The following ROBO2 variants were observed in gnomAD, a reference collection of about 807,000 sequenced individuals.
The protein encoded by ROBO2 is roundabout homolog 2.
A neutral mutation model predicts 160.8 loss-of-function variants in ROBO2; 53 were observed. The observed-to-expected ratio is 0.33, with a 90% CI of 0.26 to 0.41. The LOEUF (loss-of-function observed/expected upper bound fraction) is 0.41. Among genes scored for constraint, ROBO2 ranks in the 10% least tolerant of loss-of-function variants. The pLI is 1.00. For missense variants in ROBO2, 1,577 were observed against 1,722.4 expected, an observed-to-expected ratio of 0.92 and a Z score of 1.49; for synonymous variants, 664 against 611.7, an observed-to-expected ratio of 1.09 and a Z score of -1.26.
At chr3:76,964,387 A>T (rs1201234779) in intron 2 of ROBO2, among the ~76,000 whole-genome samples, 3 of 151,840 alleles carry the variant, frequency 2.0e-5, no homozygotes, top group Non-Finnish European at 4.4e-5. Flanking sequence ...TTGTTGCCCA[A>T]ACTAGAGCGC....
chr3:76,123,930 A>G (rs2070857966), intron 2 of ROBO2, among the ~76,000 whole-genome samples: 1 of 152,024 alleles, frequency 6.6e-6, no homozygotes, highest in South Asian at 2.1e-4. Context: ...ATGACTTCCT[A>G]GAAATCCTTG....
chr3:77,561,801 CTTAAAAATATTTCTTTT>C (rs2153661406), intron 9 of ROBO2, among the ~76,000 whole-genome samples: 1 of 151,980 alleles, frequency 6.6e-6, no homozygotes, highest in Non-Finnish European at 1.5e-5. Context: ...AGAAGTTTAC[CTTAAAAATATTTCTTTT>C]TCTGGCTGGG....
intron 2 of ROBO2, among the ~76,000 whole-genome samples, chr3:76,402,184 G>A (rs1000079117): frequency 1.3e-5 from 2 of 151,370 alleles, no homozygotes; most frequent in East Asian, 3.9e-4. Flanking sequence ...TTTTCAAGTG[G>A]ATATTTATTT....
chr3:77,436,974 G>C (rs900234599), intron 2 of ROBO2, among the ~76,000 whole-genome samples: 1 of 151,828 alleles, frequency 6.6e-6, no homozygotes, highest in East Asian at 1.9e-4. Flanking sequence ...AGCAATCTTT[G>C]GACAATTGTA....
intron 2 of ROBO2, among the ~76,000 whole-genome samples, chr3:76,283,109 T>C (rs1248602536): frequency 7.2e-6 from 1 of 138,662 alleles, no homozygotes; most frequent in African/African-American, 2.6e-5. Flanking sequence ...ATAAATATAA[T>C]AGTTATATAT....
chr3:77,200,562 A>T lies in ROBO2; in HGVS notation c.388+102222A>T, dbSNP rs532856177. 5.3e-5 allele frequency among the ~76,000 whole-genome samples: 8 copies of T among 152,018 alleles called. No homozygotes were observed. The South Asian group carries it at 1.7e-3, about 32-fold the overall frequency. On this transcript the variant is annotated intron_variant, in intron 2 of 25. Coordinates refer to ENST00000461745, the Ensembl canonical transcript of ROBO2. ...TGTGCAGGCTGAGGGTCCCATGAAC[A>T]GTTCTTTTGTCTTGCATAAAGACGA...
intron 2 of ROBO2, among the ~76,000 whole-genome samples, chr3:76,438,768 T>C (rs1474516821): frequency 6.6e-6 from 1 of 152,128 alleles, no homozygotes; most frequent in Non-Finnish European, 1.5e-5. Flanking sequence ...GTCATTTCTA[T>C]TGTAATTTTT....
chr3:76,932,400 A>T (rs2077405024), intron 2 of ROBO2, among the ~76,000 whole-genome samples: 1 of 149,332 alleles, frequency 6.7e-6, no homozygotes, highest in Non-Finnish European at 1.5e-5. Flanking sequence ...ATTATCATTC[A>T]TGATTGCATG....
intron 2 of ROBO2, among the ~76,000 whole-genome samples, chr3:76,359,027 G>GT (rs1398380205): frequency 1.3e-5 from 2 of 149,518 alleles, no homozygotes; most frequent in Non-Finnish European, 1.5e-5. Flanking sequence ...GCGGTGTTTG[G>GT]TTTTTTGTCC....
rs2081855294 is a variant in ROBO2 at position 76,524,859 on chromosome 3, AAAAAAAAT to A, written c.110-573152_110-573145del. 3.5e-4 allele frequency among the ~76,000 whole-genome samples: 48 copies of A among 136,216 alleles called. 1 individual carries two copies. The highest frequency in any genetic ancestry group is 7.4e-4 in the African/African-American group (27 of 36,354). 89.4% of individuals were successfully genotyped at this position (136,216 alleles called of 152,430 possible). A position where few individuals can be genotyped will look rare whatever the true frequency, so the allele number is the denominator to read the frequency against. ...AAAAAAAAAAAAAAAAAAAAAAAAA[AAAAAAAAT>A]AAGTAAAATCAGATACATCAAATAA... On this transcript the variant is annotated intron_variant, in intron 2 of 26. Transcript: ENST00000487694.
intron 2 of ROBO2, among the ~76,000 whole-genome samples, chr3:76,190,676 A>G (rs950470821): frequency 2.6e-5 from 4 of 152,108 alleles, no homozygotes; most frequent in Non-Finnish European, 5.9e-5. Flanking sequence ...TTAAACATTG[A>G]AGATACAAAC....
intron 2 of ROBO2, among the ~76,000 whole-genome samples, chr3:76,826,037 A>G (rs998682148): frequency 2.0e-5 from 3 of 149,424 alleles, no homozygotes; most frequent in African/African-American, 7.4e-5. Flanking sequence ...GGCACATTCA[A>G]TCAGTGAGTT....
intron 2 of ROBO2, among the ~76,000 whole-genome samples, chr3:76,007,913 A>T (rs941421707): frequency 5.3e-5 from 8 of 152,126 alleles, no homozygotes; most frequent in Admixed American, 4.6e-4. Flanking sequence ...AGAGAAAATT[A>T]GAAAGATACT....
intron 21 of ROBO2, among the ~76,000 whole-genome samples, chr3:77,617,140 A>G (rs1454808004): frequency 1.3e-5 from 2 of 152,222 alleles, no homozygotes; most frequent in African/African-American, 4.8e-5. Flanking sequence ...ATGGTGCACA[A>G]GTATGAACAG....
intron 2 of ROBO2, among the ~76,000 whole-genome samples, chr3:76,536,730 C>G (rs923727878): frequency 1.3e-5 from 2 of 152,050 alleles, no homozygotes; most frequent in Non-Finnish European, 2.9e-5. Flanking sequence ...TCCCGCTCAT[C>G]TGGGGAGAGG....
At chr3:76,300,552 C>T (rs1709302186) in intron 2 of ROBO2, among the ~76,000 whole-genome samples, 1 of 151,742 alleles carries the variant, frequency 6.6e-6, no homozygotes, top group Admixed American at 6.6e-5. Context: ...TAATGGGAAG[C>T]TATTTTGCCA....
chr3:75,918,386 G>C (rs934022434), intron 1 of ROBO2, among the ~76,000 whole-genome samples: 11 of 152,034 alleles, frequency 7.2e-5, no homozygotes, highest in African/African-American at 2.7e-4. Flanking sequence ...CTGTTTCATT[G>C]GTCTATATAT....
chr3:76,809,034 A>G (rs1019274115), intron 2 of ROBO2, among the ~76,000 whole-genome samples: 4 of 152,202 alleles, frequency 2.6e-5, no homozygotes, highest in Non-Finnish European at 5.9e-5. Flanking sequence ...TGAAAGTAAA[A>G]TACTTTGCAA....
intron 2 of ROBO2, among the ~76,000 whole-genome samples, chr3:76,382,383 T>G (rs558234804): frequency 1.3e-5 from 2 of 152,094 alleles, no homozygotes; most frequent in African/African-American, 4.8e-5. Flanking sequence ...GGTCAGGAGA[T>G]CGAGACCATC....
Sources: allele counts gnomAD v4.1 joint callset (sites outside exome capture counted in the v4.1 genomes callset), GRCh38; gene constraint gnomAD v4.1.1; transcripts MANE v1.5; gene names NCBI Gene and HGNC (gene_info 2026-07-23, HGNC 2026-07-21).